Variants in DAB1 observed in about 807,000 individuals in gnomAD.
DAB1 encodes DAB adaptor protein 1.
In DAB1, 15 loss-of-function variants were observed where a neutral mutation model predicts 64.6. The ratio of observed to expected loss-of-function variants is 0.23; its 90% CI spans 0.16 to 0.36. The LOEUF (loss-of-function observed/expected upper bound fraction) is 0.36, where lower values mean the gene tolerates loss of function less well. DAB1 is among the 10% of genes least tolerant of loss of function. The pLI, the probability that DAB1 is intolerant of heterozygous loss-of-function variation, is 1.00. For missense variants in DAB1, 596 were observed against 706.7 expected, an observed-to-expected ratio of 0.84 and a Z score of 1.78; for synonymous variants, 235 against 251.9, an observed-to-expected ratio of 0.93 and a Z score of 0.64.
intron 5 of DAB1, among the ~76,000 whole-genome samples, chr1:57,889,233 C>A (rs988764789): frequency 1.3e-5 from 2 of 152,210 alleles, no homozygotes; most frequent in African/African-American, 2.4e-5. Flanking sequence ...CCTGTTTCTG[C>A]GCTTTCAGTG....
chr1:57,126,024 C>T (rs866953469), intron 4 of DAB1, among the ~76,000 whole-genome samples: 43 of 152,144 alleles, frequency 2.8e-4, no homozygotes, highest in African/African-American at 1.0e-3. Context: ...ATCATGGACC[C>T]TGCCCTCAAG....
At chr1:57,116,026 A>G (rs1656072882) in intron 4 of DAB1, among the ~76,000 whole-genome samples, 1 of 152,004 alleles carries the variant, frequency 6.6e-6, no homozygotes, top group Admixed American at 6.6e-5. Flanking sequence ...ATCTGTCCCT[A>G]CTATCTATGG....
intron 4 of DAB1, among the ~76,000 whole-genome samples, chr1:57,087,364 G>A (rs754271919): frequency 3.3e-5 from 5 of 152,200 alleles, no homozygotes; most frequent in Non-Finnish European, 7.3e-5. Flanking sequence ...GCAGGATGCC[G>A]GGAAGAGAAA....
chr1:57,233,968 T>C (rs1036374140), intron 2 of DAB1, among the ~76,000 whole-genome samples: 1 of 151,902 alleles, frequency 6.6e-6, no homozygotes, highest in South Asian at 2.1e-4. Context: ...AGAAGAGAGG[T>C]AGAAAACCAT....
intron 4 of DAB1, among the ~76,000 whole-genome samples, chr1:58,287,367 T>C (rs1480917932): frequency 2.0e-5 from 3 of 152,198 alleles, no homozygotes; most frequent in Admixed American, 1.3e-4. Flanking sequence ...TTTTCGATTA[T>C]ATCTCACAGT....
At chr1:58,316,482 A>C (rs60665381) in intron 4 of DAB1, among the ~76,000 whole-genome samples, 1 of 152,138 alleles carries the variant, frequency 6.6e-6, no homozygotes, top group African/African-American at 2.4e-5. Context: ...CACATAGTGA[A>C]TAGACCTCAG....
At chr1:57,459,149 A>G (rs950225932) in intron 7 of DAB1, among the ~76,000 whole-genome samples, 5 of 152,084 alleles carry the variant, frequency 3.3e-5, no homozygotes, top group African/African-American at 1.2e-4. Flanking sequence ...CAATCTGTGA[A>G]TGGTTTCAAC....
chr1:58,399,050 T>G (rs191452269), intron 3 of DAB1, among the ~76,000 whole-genome samples: 2 of 152,272 alleles, frequency 1.3e-5, no homozygotes, highest in East Asian at 3.9e-4. Flanking sequence ...TGCCAGAAAT[T>G]GGAATTGTGT....
At chr1:57,313,535 G>T (rs944457097) in intron 1 of DAB1, among the ~76,000 whole-genome samples, 15 of 152,100 alleles carry the variant, frequency 9.9e-5, no homozygotes. Context: ...ATGAGGAAGG[G>T]GTAAGTTGGC....
intron 1 of DAB1, among the ~76,000 whole-genome samples, chr1:57,380,522 C>T (rs187111665): frequency 4.6e-5 from 7 of 152,136 alleles, no homozygotes; most frequent in Admixed American, 2.0e-4. Flanking sequence ...CAGCTTAGGA[C>T]GAAGCCTGGA....
At chr1:57,628,254 TA>T (rs994055125) in intron 7 of DAB1, among the ~76,000 whole-genome samples, 3 of 152,174 alleles carry the variant, frequency 2.0e-5, no homozygotes, top group African/African-American at 7.2e-5. Context: ...CACTGACATG[TA>T]AAAAAGCATT....
chr1:58,419,309 G>A (rs1243419150), intron 3 of DAB1, among the ~76,000 whole-genome samples: 1 of 152,098 alleles, frequency 6.6e-6, no homozygotes, highest in Admixed American at 6.5e-5. Context: ...CCATTTCCTT[G>A]TCTATACAAT....
At chr1:57,450,600 T>C (rs1013441839) in intron 7 of DAB1, among the ~76,000 whole-genome samples, 1 of 152,214 alleles carries the variant, frequency 6.6e-6, no homozygotes, top group African/African-American at 2.4e-5. Context: ...TATACAAATG[T>C]AAGGTGTTAA....
intron 3 of DAB1, among the ~76,000 whole-genome samples, chr1:58,348,247 C>A (rs908583947): frequency 6.6e-6 from 1 of 152,094 alleles, no homozygotes; most frequent in African/African-American, 2.4e-5. Context: ...TGAGCAGAGT[C>A]TCAAAGAAGC....
chr1:58,145,129 A>G (rs887145756), intron 5 of DAB1, among the ~76,000 whole-genome samples: 1 of 152,218 alleles, frequency 6.6e-6, no homozygotes, highest in Non-Finnish European at 1.5e-5. Flanking sequence ...GCATGAAAGA[A>G]CCAGCCCAAA....
intron 5 of DAB1, among the ~76,000 whole-genome samples, chr1:58,136,982 A>C (rs1051725991): frequency 6.6e-6 from 1 of 152,132 alleles, no homozygotes; most frequent in Non-Finnish European, 1.5e-5. Context: ...TGCCCCCAGG[A>C]ACTGATGTGG....
At chr1:58,465,454 C>T (rs563133714) in intron 3 of DAB1, among the ~76,000 whole-genome samples, 1 of 152,292 alleles carries the variant, frequency 6.6e-6, no homozygotes, top group South Asian at 2.1e-4. Context: ...ACAACAACAA[C>T]GACGACAAAA....
intron 5 of DAB1, among the ~76,000 whole-genome samples, chr1:57,966,225 A>G (rs956957448): frequency 1.3e-5 from 2 of 152,178 alleles, no homozygotes; most frequent in South Asian, 2.1e-4. Context: ...TAAATTAAAT[A>G]TGGTTAAAAA....
intron 3 of DAB1, among the ~76,000 whole-genome samples, chr1:58,363,732 G>A (rs1296546018): frequency 6.6e-6 from 1 of 152,210 alleles, no homozygotes; most frequent in Non-Finnish European, 1.5e-5. Flanking sequence ...CAGACAGCTG[G>A]AAAGAAAGGT....
Sources: allele counts gnomAD v4.1 joint callset (sites outside exome capture counted in the v4.1 genomes callset), GRCh38; gene constraint gnomAD v4.1.1; transcripts MANE v1.5; gene names NCBI Gene and HGNC (gene_info 2026-07-23, HGNC 2026-07-21).